The following ANAPC16 variants were observed in gnomAD, a reference collection of about 807,000 sequenced individuals.
The protein encoded by ANAPC16 is anaphase-promoting complex subunit 16.
In ANAPC16, 6 loss-of-function variants were observed where a neutral mutation model predicts 13.1. The observed-to-expected ratio is 0.46, with a 90% CI of 0.25 to 0.90. The LOEUF is 0.90. Ranked by LOEUF, ANAPC16 falls within the 40% of genes least tolerant of loss-of-function variation. The pLI is 0.18. For missense variants in ANAPC16, 113 were observed against 131.1 expected, an observed-to-expected ratio of 0.86 and a Z score of 0.67; for synonymous variants, 55 against 51.3, an observed-to-expected ratio of 1.07 and a Z score of -0.31.
intron 2 of ANAPC16, among the ~76,000 whole-genome samples, chr10:72,225,639 C>T (rs953475682): frequency 6.6e-6 from 1 of 152,098 alleles, no homozygotes; most frequent in Non-Finnish European, 1.5e-5. Flanking sequence ...CAGTAACTCA[C>T]GCCTGTAATC....
Position 72,230,373 on chromosome 10 carries a change from TGA to T in ANAPC16, c.155_156del (p.Arg52IlefsTer8), listed in dbSNP as rs1269474291. The T allele has an allele frequency of 2.5e-6, 4 of 1,613,946 alleles. No individual in the cohort carries two copies. The Admixed American group carries it at 6.7e-5, about 27-fold the overall frequency. On this transcript the variant is annotated frameshift_variant, in exon 3 of 4. Coordinates refer to ENST00000299381, the MANE Select transcript of ANAPC16 (RefSeq NM_173473.4). LOFTEE classifies it high-confidence loss of function. ...GAGEMLEDGS[E>X]RFLCESVFSY... ...TTCTCCTTTTGTTTGTAGATGGCTC[TGA>T]GAGATTCCTCTGCGAATCTGTTTTT...
intron 3 of ANAPC16, 100 bp downstream of exon 3, chr10:72,230,540 G>A (rs1860265256): frequency 7.4e-6 from 7 of 952,028 alleles, no homozygotes; most frequent in Non-Finnish European, 1.0e-5. Flanking sequence ...GGCTATTTTA[G>A]TGGACTTCCT....
intron 2 of ANAPC16, among the ~76,000 whole-genome samples, chr10:72,227,831 G>A (rs1860170642): frequency 6.9e-6 from 1 of 144,392 alleles, no homozygotes; most frequent in Non-Finnish European, 1.5e-5. Flanking sequence ...AGGAGTTCGA[G>A]ACCAGCCTGA....
intron 1 of ANAPC16, among the ~76,000 whole-genome samples, chr10:72,222,371 T>C (rs1859970539): frequency 6.8e-6 from 1 of 146,048 alleles, no homozygotes. Flanking sequence ...TGAGCAGAGA[T>C]CGCGCCACTG....
At chr10:72,216,878 C>G (rs1859449906) in intron 1 of ANAPC16, 2 of 456,074 alleles carry the variant, frequency 4.4e-6, no homozygotes, top group Admixed American at 2.4e-5. Flanking sequence ...CAAAATTTTA[C>G]TGGGCACCTC....
At chr10:72,219,832 A>G (rs1215869256) in intron 1 of ANAPC16, among the ~76,000 whole-genome samples, 2 of 152,172 alleles carry the variant, frequency 1.3e-5, no homozygotes, top group African/African-American at 4.8e-5. Context: ...ACCCCACTTC[A>G]CTATTAATCA....
chr10:72,225,254 G>A (rs1860083430), intron 2 of ANAPC16, among the ~76,000 whole-genome samples: 1 of 152,116 alleles, frequency 6.6e-6, no homozygotes, highest in African/African-American at 2.4e-5. Context: ...CTGCACTCCA[G>A]CCTGGGTGAC....
chr10:72,225,996 C>A (rs924846159), intron 2 of ANAPC16, among the ~76,000 whole-genome samples: 3 of 149,446 alleles, frequency 2.0e-5, no homozygotes, highest in African/African-American at 2.5e-5. Flanking sequence ...ATATATTGAT[C>A]TTTTTTCCTT....
intron 2 of ANAPC16, 91 bp from the exon 3 acceptor site, chr10:72,230,275 A>G (rs1384552662): frequency 2.1e-6 from 2 of 945,236 alleles, no homozygotes; most frequent in Non-Finnish European, 3.4e-6. Flanking sequence ...TGAATGTACA[A>G]GCAGGGAAAA....
chr10:72,225,901 AAAAAAAAAAGC>A (rs984001937), intron 2 of ANAPC16, among the ~76,000 whole-genome samples: 12 of 149,976 alleles, frequency 8.0e-5, no homozygotes, highest in Admixed American at 8.0e-4. Context: ...CTCTGTCTCA[AAAAAAAAAAGC>A]AAAAAAAAAG....
intron 2 of ANAPC16, among the ~76,000 whole-genome samples, chr10:72,227,548 T>C (rs1439705833): frequency 6.6e-6 from 1 of 152,024 alleles, no homozygotes; most frequent in Non-Finnish European, 1.5e-5. Flanking sequence ...TGAAAAATAA[T>C]GTAGAGATGG....
At chr10:72,227,876 C>CAAAAAAAAAA (rs57330798) in intron 2 of ANAPC16, among the ~76,000 whole-genome samples, 1 of 76,628 alleles carries the variant, frequency 1.3e-5, no homozygotes. Flanking sequence ...ACTAAAAATA[C>CAAAAAAAAAA]AAAAAAAAAA....
chr10:72,224,803 A>G (rs532262526), intron 2 of ANAPC16, among the ~76,000 whole-genome samples: 1 of 152,272 alleles, frequency 6.6e-6, no homozygotes, highest in Non-Finnish European at 1.5e-5. Flanking sequence ...AAGCTAATAC[A>G]TTGCCCTTTT....
At chr10:72,228,372 A>C (rs1860191385) in intron 2 of ANAPC16, among the ~76,000 whole-genome samples, 1 of 152,202 alleles carries the variant, frequency 6.6e-6, no homozygotes, top group African/African-American at 2.4e-5. Flanking sequence ...TATTTTAGAG[A>C]CATTGTAGCC....
intron 1 of ANAPC16, among the ~76,000 whole-genome samples, chr10:72,218,289 ATAAC>A (rs1402589887): frequency 1.4e-5 from 2 of 147,012 alleles, no homozygotes; most frequent in East Asian, 2.1e-4. Flanking sequence ...TAGGGTATAA[ATAAC>A]TCCCACATGC....
intron 1 of ANAPC16, among the ~76,000 whole-genome samples, chr10:72,221,078 A>T (rs1242786676): frequency 1.3e-5 from 2 of 151,938 alleles, no homozygotes; most frequent in African/African-American, 4.8e-5. Flanking sequence ...CACCACGCCC[A>T]GCTCATTTTT....
At chr10:72,230,026 G>C (rs548851317) in intron 2 of ANAPC16, among the ~76,000 whole-genome samples, 1 of 152,290 alleles carries the variant, frequency 6.6e-6, no homozygotes, top group African/African-American at 2.4e-5. Flanking sequence ...AAATGTGTCA[G>C]CTGCCAGTGT....
chr10:72,217,087 A>G (rs1380935745), intron 1 of ANAPC16: 4 of 453,980 alleles, frequency 8.8e-6, no homozygotes, highest in African/African-American at 8.0e-5. Flanking sequence ...CTGGAAGCAC[A>G]GTGGAAACAC....
chr10:72,230,105 C>T (rs183678378), intron 2 of ANAPC16, among the ~76,000 whole-genome samples: 39 of 152,240 alleles, frequency 2.6e-4, no homozygotes, highest in African/African-American at 9.1e-4. Flanking sequence ...ACCAGGACAT[C>T]AGACGGAGGT....
Sources: allele counts gnomAD v4.1 joint callset (sites outside exome capture counted in the v4.1 genomes callset), GRCh38; gene constraint gnomAD v4.1.1; transcripts MANE v1.5; gene names NCBI Gene and HGNC (gene_info 2026-07-23, HGNC 2026-07-21).